SLC35A3: variants seen among roughly 807,000 people sequenced by gnomAD.
The protein encoded by SLC35A3 is UDP-N-acetylglucosamine transporter.
Under a neutral mutation model 39.0 loss-of-function variants are expected in SLC35A3, and 26 were observed. That is an observed-to-expected ratio of 0.67 (90% CI 0.49 to 0.92). The LOEUF (loss-of-function observed/expected upper bound fraction) is 0.92. Among genes scored for constraint, SLC35A3 ranks in the 40% least tolerant of loss-of-function variants. The pLI is 0.00. For missense variants in SLC35A3, 299 were observed against 371.6 expected (o/e 0.80, Z 1.61); for synonymous variants, 135 against 133.1 (o/e 1.01, Z -0.10).
rs1356835147 is a variant in SLC35A3 at position 100,032,363 on chromosome 1, ATTC to A, written c.*9890_*9892del. 3.3e-5 allele frequency: 5 copies of A among 152,082 alleles called. No homozygotes were observed. Among genetic ancestry groups the A allele is most frequent in the African/African-American group, 7.2e-5 (3 of 41,414 alleles). 9.4% of individuals were successfully genotyped at this position (152,082 alleles called of 1,614,324 possible). Reference sequence around the variant, plus strand: ...ATTTCTTCTACATTTATTAGTTTATATTCTTTTTTAAAATAAAAAAGTATATTT... The same window carrying A: ...ATTTCTTCTACATTTATTAGTTTATATTTTTTAAAATAAAAAAGTATATTT... On this transcript the variant is annotated 3_prime_UTR_variant, in exon 8 of 8. Transcript: ENST00000533028.
rs1456766185 is a variant in SLC35A3, at chr1:100,027,546, C to T, written c.*5070C>T. The T allele has an allele frequency of 2.1e-5, 4 of 187,948 alleles. No individual in the cohort carries two copies. The highest frequency in any genetic ancestry group is 2.4e-4 in the East Asian group (2 of 8,226). 11.6% of individuals were successfully genotyped at this position (187,948 alleles called of 1,614,324 possible). A position where few individuals can be genotyped will look rare whatever the true frequency, so the allele number is the denominator to read the frequency against. ...TTTCTATATGTTAATAACAGCCTAACAGATTTTTTGTTTTAAATATCTCTA... is the reference window on the plus strand; with the variant it reads ...TTTCTATATGTTAATAACAGCCTAATAGATTTTTTGTTTTAAATATCTCTA... On this transcript the variant is annotated 3_prime_UTR_variant, in exon 8 of 8. Coordinates refer to ENST00000533028, the MANE Select transcript of SLC35A3 (RefSeq NM_012243.3).
rs965705180 is a variant in SLC35A3, at chr1:99,979,328, G to T, written c.-19+9166G>T. On this transcript the variant is annotated intron_variant, in intron 1 of 7. Transcript: ENST00000533028. ...TGGCTGCCAATATTCCTTTTCTTGT[G>T]CCTGCATCACTCTAATATCACAGGA... is the stretch of plus-strand genomic sequence containing the variant. Among the ~76,000 whole-genome samples, 4 of 151,736 alleles carry T rather than the reference G, an allele frequency of 2.6e-5. No homozygotes were observed. The East Asian group carries it at 7.7e-4, about 29-fold the overall frequency.
intron 1 of SLC35A3, among the ~76,000 whole-genome samples, chr1:99,982,003 C>CTT (rs549298454): frequency 1.4e-4 from 18 of 125,826 alleles, no homozygotes; most frequent in East Asian, 2.4e-4. Context: ...AGGATGTATT[C>CTT]TTTTTTTTTT....
intron 2 of SLC35A3, 88 bp downstream of exon 2, chr1:99,993,829 T>C: frequency 8.7e-7 from 1 of 1,148,042 alleles, no homozygotes; most frequent in South Asian, 1.4e-5. Context: ...CACTCTTGCA[T>C]TGTCGAATGG....
chr1:100,011,326 T>G, intron 4 of SLC35A3, 39 bp from the exon 5 acceptor site: 1 of 1,119,228 alleles, frequency 8.9e-7, no homozygotes, highest in Non-Finnish European at 1.3e-6. Flanking sequence ...TAAAATGTTA[T>G]GGAAATTAAA....
At chr1:99,977,130 AG>A (rs1194956951) in intron 1 of SLC35A3, among the ~76,000 whole-genome samples, 10 of 152,120 alleles carry the variant, frequency 6.6e-5, no homozygotes, top group Admixed American at 5.2e-4. Context: ...CTCACCATTC[AG>A]GTTTATCCTC....
chr1:99,989,788 CAG>C (rs533481706), intron 1 of SLC35A3, among the ~76,000 whole-genome samples: 190 of 152,116 alleles, frequency 1.2e-3, no homozygotes, highest in African/African-American at 4.4e-3. Context: ...TTTATTGAGG[CAG>C]AGTCTTGCTC....
intron 2 of SLC35A3, among the ~76,000 whole-genome samples, chr1:99,997,065 G>A (rs941304447): frequency 6.6e-6 from 1 of 151,698 alleles, no homozygotes; most frequent in Non-Finnish European, 1.5e-5. Flanking sequence ...ATCTCTAAAG[G>A]ATCTTTGGCC....
At position 100,030,764 on chromosome 1, in the gene SLC35A3, G is replaced by C. The variant is rs1305370581; in HGVS notation, c.*8288G>C. Reference sequence around the variant, plus strand: ...ATTAAGTTTTTCCCTTTAGGCTAAAGTTTTATTTTATTCTGCTTGGATAGT... The same window carrying C: ...ATTAAGTTTTTCCCTTTAGGCTAAACTTTTATTTTATTCTGCTTGGATAGT... On this transcript the variant is annotated 3_prime_UTR_variant, in exon 8 of 8. Coordinates refer to ENST00000533028, the MANE Select transcript of SLC35A3 (RefSeq NM_012243.3). 6.6e-6 allele frequency: 1 copy of C among 152,140 alleles called. No homozygotes were observed. Among genetic ancestry groups the C allele is most frequent in the Non-Finnish European group, 1.5e-5 (1 of 68,012 alleles). The allele number at this position is 152,140 out of a possible 1,614,324, so 9.4% of individuals were successfully genotyped here. A position where few individuals can be genotyped will look rare whatever the true frequency, so the allele number is the denominator to read the frequency against.
chr1:99,971,437 G>C (rs1656807074), intron 1 of SLC35A3, among the ~76,000 whole-genome samples: 1 of 151,860 alleles, frequency 6.6e-6, no homozygotes, highest in Non-Finnish European at 1.5e-5. Context: ...CTCCTGAGTA[G>C]CTGGGACTAC....
chr1:100,021,274 G>T (rs1660518570), intron 7 of SLC35A3, among the ~76,000 whole-genome samples: 1 of 151,996 alleles, frequency 6.6e-6, no homozygotes, highest in African/African-American at 2.4e-5. Flanking sequence ...TGAGGCAGGA[G>T]AATTGCTTGA....
At chr1:100,018,264 A>C (rs1488207010) in intron 7 of SLC35A3, among the ~76,000 whole-genome samples, 1 of 152,218 alleles carries the variant, frequency 6.6e-6, no homozygotes, top group Non-Finnish European at 1.5e-5. Flanking sequence ...TAGGTGAGGA[A>C]GAAGACCCAG....
At chr1:100,007,419 A>C (rs1659319812) in intron 4 of SLC35A3, 1 of 243,498 alleles carries the variant, frequency 4.1e-6, no homozygotes, top group Non-Finnish European at 7.7e-6. Flanking sequence ...CATTTTAAAG[A>C]AAGTTGATTT....
chr1:99,988,492 A>G (rs564449038), intron 1 of SLC35A3, among the ~76,000 whole-genome samples: 1 of 152,284 alleles, frequency 6.6e-6, no homozygotes, highest in African/African-American at 2.4e-5. Context: ...ATAAATATTC[A>G]TGTACAAATA....
intron 1 of SLC35A3, among the ~76,000 whole-genome samples, chr1:99,991,250 T>C (rs1658062629): frequency 6.6e-6 from 1 of 152,164 alleles, no homozygotes; most frequent in Non-Finnish European, 1.5e-5. Context: ...GTTCAATCAA[T>C]TCTCCTGCCT....
chr1:100,018,628 C>T (rs1368814946), intron 7 of SLC35A3, among the ~76,000 whole-genome samples: 1 of 152,124 alleles, frequency 6.6e-6, no homozygotes, highest in African/African-American at 2.4e-5. Context: ...CTCCTGGGCT[C>T]AAGCAATCCT....
rs991981549 is a variant in SLC35A3 at position 100,026,412 on chromosome 1, G to T, written c.*3936G>T. Reference sequence around the variant, plus strand: ...GAACAAGCACCTTTATCAAAATCTGGTCCTATGTGCCTTGCTTTACCAAAT... The same window carrying T: ...GAACAAGCACCTTTATCAAAATCTGTTCCTATGTGCCTTGCTTTACCAAAT... On this transcript the variant is annotated 3_prime_UTR_variant, in exon 8 of 8. Coordinates refer to ENST00000533028, the MANE Select transcript of SLC35A3 (RefSeq NM_012243.3). 6.6e-6 allele frequency: 1 copy of T among 152,102 alleles called. No individual in the cohort carries two copies. The highest frequency in any genetic ancestry group is 1.5e-5 in the Non-Finnish European group (1 of 67,990). 9.4% of individuals were successfully genotyped at this position (152,102 alleles called of 1,614,324 possible).
chr1:100,003,286 G>A (rs1005807961), intron 3 of SLC35A3, among the ~76,000 whole-genome samples: 13 of 151,622 alleles, frequency 8.6e-5, no homozygotes, highest in Non-Finnish European at 1.5e-5. Context: ...CATGGTGGCG[G>A]GTACCTGTAA....
At chr1:99,996,601 T>A (rs72965775) in intron 2 of SLC35A3, among the ~76,000 whole-genome samples, 13,868 of 152,126 alleles carry the variant, frequency 0.091, 1,131 homozygotes, top group African/African-American at 0.22. Flanking sequence ...AATAATCAGG[T>A]TTGGTGCACA....
Sources: allele counts gnomAD v4.1 joint callset (sites outside exome capture counted in the v4.1 genomes callset), GRCh38; gene constraint gnomAD v4.1.1; transcripts MANE v1.5; gene names NCBI Gene and HGNC (gene_info 2026-07-23, HGNC 2026-07-21).